Variants in C22orf31 observed in about 807,000 individuals in gnomAD.
The protein encoded by C22orf31 is uncharacterized protein C22orf31.
C22orf31 carries 11 observed loss-of-function variants against 15.0 expected under a neutral mutation model. The ratio of observed to expected loss-of-function variants is 0.73; its 90% CI spans 0.46 to 1.21. C22orf31 has a LOEUF of 1.21. Ranked by LOEUF, C22orf31 falls within the 50% of genes most tolerant of loss-of-function variation. C22orf31 has a pLI of 0.00. For missense variants in C22orf31, 340 were observed against 347.2 expected, an observed-to-expected ratio of 0.98 and a Z score of 0.17; for synonymous variants, 132 against 133.3, an observed-to-expected ratio of 0.99 and a Z score of 0.07.
At position 29,060,344 on chromosome 22, in the gene C22orf31, A is replaced by G. The variant is rs1314395062; in HGVS notation, c.432+71T>C. The G allele has an allele frequency of 2.9e-6, 4 of 1,362,456 alleles. No individual in the cohort carries two copies. The Admixed American group carries it at 8.0e-5, about 27-fold the overall frequency. The allele number at this position is 1,362,456 out of a possible 1,614,324, so 84.4% of individuals were successfully genotyped here. A position where few individuals can be genotyped will look rare whatever the true frequency, so the allele number is the denominator to read the frequency against. ...CGCACGCCATATAATCTCAACCGTT[A>G]AGTGTTCTCTGGCTTTACCTTTTCC... On this transcript the variant is annotated intron_variant, in intron 2 of 2. Coordinates refer to ENST00000216071, the MANE Select transcript of C22orf31 (RefSeq NM_015370.2).
At chr22:29,061,605 C>T (rs533010705) in intron 1 of C22orf31, among the ~76,000 whole-genome samples, 185 bp downstream of exon 1, 7 of 152,256 alleles carry the variant, frequency 4.6e-5, no homozygotes, top group African/African-American at 1.2e-4. Context: ...CCAAGAAGAG[C>T]TCATTCACAG....
the C22orf31 span, chr22:29,073,065 G>GC: frequency 2.6e-6 from 1 of 385,180 alleles, no homozygotes; most frequent in Non-Finnish European, 3.5e-6. The surrounding 1 kb of genome is among the most constrained non-coding windows in gnomAD (Gnocchi z 4.4). Flanking sequence ...TCCCATGGCC[G>GC]CCCCCGGCTC....
chr22:29,071,943 T>A, the C22orf31 span, among the ~76,000 whole-genome samples: 1 of 152,192 alleles, frequency 6.6e-6, no homozygotes, highest in Non-Finnish European at 1.5e-5. Context: ...TCTGAAGGCC[T>A]TTTATTATTC....
At chr22:29,059,290 T>G (rs2037356265) in intron 2 of C22orf31, 108 bp from the exon 3 acceptor site, 1 of 813,560 alleles carries the variant, frequency 1.2e-6, no homozygotes, top group South Asian at 1.7e-5. Flanking sequence ...ACAACCAACA[T>G]TTGTCTAGCA....
At chr22:29,062,231 G>A (rs562426816), upstream of C22orf31, among the ~76,000 whole-genome samples, 13 of 152,192 alleles carry the variant, frequency 8.5e-5, 1 homozygote, top group South Asian at 8.3e-4. Context: ...CCAGATTTGG[G>A]GATATGGGTA....
At chr22:29,070,618 G>A in the C22orf31 span, among the ~76,000 whole-genome samples, 1 of 152,188 alleles carries the variant, frequency 6.6e-6, no homozygotes, top group Non-Finnish European at 1.5e-5. Flanking sequence ...GGTTAGCCAG[G>A]TGTGGTGGCA....
chr22:29,058,836 C>T lies in C22orf31; in HGVS notation c.779G>A (p.Gly260Asp). Residue 260 changes from glycine (G) to aspartate (D), a missense_variant, in exon 3 of 3, where the codon GGT becomes GAT. Gly to Asp is a moderately conservative substitution (Grantham distance 94). Transcript: ENST00000216071. ...ALCSQGAISE[G>D]AQRDRFPGRK... is the part of the protein sequence containing the mutation. ...GCCAGGGAACCGGTCCCTCTGAGCA[C>T]CTTCAGAGATGGCACCCTGACTGCA... is the stretch of plus-strand genomic sequence containing the variant. 1.2e-6 allele frequency: 2 copies of T among 1,614,146 alleles called. No individual in the cohort carries two copies. The highest frequency in any genetic ancestry group is 1.7e-6 in the Non-Finnish European group (2 of 1,179,966).
upstream of C22orf31, among the ~76,000 whole-genome samples, chr22:29,065,448 A>T (rs994868967): frequency 2.6e-5 from 4 of 152,130 alleles, no homozygotes; most frequent in South Asian, 8.3e-4. Flanking sequence ...AATCTAGTGT[A>T]TGAGGCCAAG....
the C22orf31 span, among the ~76,000 whole-genome samples, chr22:29,067,726 G>A: frequency 2.0e-5 from 3 of 152,124 alleles, no homozygotes; most frequent in Admixed American, 1.3e-4. Context: ...TTACAACCAT[G>A]AGCCACCGTG....
upstream of C22orf31, among the ~76,000 whole-genome samples, chr22:29,062,999 C>G (rs1349158511): frequency 2.6e-5 from 4 of 152,046 alleles, no homozygotes; most frequent in African/African-American, 9.7e-5. Context: ...AAATTACCAT[C>G]TGTCTTTACT....
rs2123896484 is a variant in C22orf31, at chr22:29,058,683, G to A, written c.*59C>T. On this transcript the variant is annotated 3_prime_UTR_variant, in exon 3 of 3. Coordinates refer to ENST00000216071, the MANE Select transcript of C22orf31 (RefSeq NM_015370.2). The stretch of plus-strand genomic sequence containing the variant: ...TCTGCGATAACACGGAAGGTGCAAA[G>A]TTGTGTTTATTTTTCAGATCTCTAG... 2 of 1,350,206 alleles carry A rather than the reference G, an allele frequency of 1.5e-6. No homozygotes were observed. Among genetic ancestry groups the A allele is most frequent in the East Asian group, 4.6e-5 (2 of 43,456 alleles). The allele number at this position is 1,350,206 out of a possible 1,614,324, so 83.6% of individuals were successfully genotyped here. A position where few individuals can be genotyped will look rare whatever the true frequency, so the allele number is the denominator to read the frequency against.
the C22orf31 span, among the ~76,000 whole-genome samples, chr22:29,070,410 G>A: frequency 6.6e-6 from 1 of 152,238 alleles, no homozygotes; most frequent in African/African-American, 2.4e-5. Context: ...GCAGCAGGCA[G>A]GACAGACCAA....
the C22orf31 span, among the ~76,000 whole-genome samples, chr22:29,072,139 T>TTTTCTG: frequency 1.3e-5 from 2 of 152,034 alleles, no homozygotes; most frequent in South Asian, 4.1e-4. Context: ...GTTTTGGTTT[T>TTTTCTG]TTTTTGTTTT....
the C22orf31 span, among the ~76,000 whole-genome samples, chr22:29,071,017 A>G: frequency 6.6e-6 from 1 of 152,058 alleles, no homozygotes; most frequent in African/African-American, 2.4e-5. Flanking sequence ...TTCTCATTTC[A>G]TTCTCTTCAA....
chr22:29,059,559 G>GT (rs748385137), intron 2 of C22orf31: 1 of 360,466 alleles, frequency 2.8e-6, no homozygotes, highest in Non-Finnish European at 3.9e-6. Flanking sequence ...GGGAAGGGCC[G>GT]TTATCCCCCA....
upstream of C22orf31, chr22:29,061,864 TTCTC>T (rs532720799): frequency 1.9e-3 from 2,360 of 1,243,932 alleles, 4 homozygotes; most frequent in Non-Finnish European, 2.5e-3. Context: ...TCTTTCCTTT[TTCTC>T]TCTCTCTCTT....
chr22:29,073,143 G>A, the C22orf31 span: 2 of 1,097,740 alleles, frequency 1.8e-6, no homozygotes, highest in Admixed American at 4.9e-5. The surrounding 1 kb of genome is among the most constrained non-coding windows in gnomAD (Gnocchi z 4.4). Context: ...GGCGCCGCCA[G>A]CCGCCCGCCT....
chr22:29,066,014 T>TTCC (rs1157183169), upstream of C22orf31, among the ~76,000 whole-genome samples: 5 of 152,340 alleles, frequency 3.3e-5, no homozygotes, highest in African/African-American at 1.2e-4. Flanking sequence ...TAGCCAAACT[T>TTCC]TCCTCACAGT....
At chr22:29,061,967 G>A (rs1907645050), upstream of C22orf31, 1 of 552,780 alleles carries the variant, frequency 1.8e-6, no homozygotes, top group Non-Finnish European at 3.3e-6. Context: ...TTAGATGTGG[G>A]CTCAATGCAG....
Sources: gnomAD v4.1 joint callset for allele counts (sites outside exome capture counted in the v4.1 genomes callset) on GRCh38, gnomAD v4.1.1 for gene constraint, Gnocchi (gnomAD v3.1) non-coding constraint, MANE v1.5 for transcripts, NCBI Gene and HGNC (gene_info 2026-07-23, HGNC 2026-07-21) for gene names.